ZNF532: variants seen among roughly 807,000 people sequenced by gnomAD.
ZNF532 encodes zinc finger protein 532.
Under a neutral mutation model 89.3 loss-of-function variants are expected in ZNF532, and 22 were observed. The observed-to-expected ratio is 0.25, with a 90% CI of 0.18 to 0.35. ZNF532 has a LOEUF of 0.35. Among genes scored for constraint, ZNF532 ranks in the 10% least tolerant of loss-of-function variants. ZNF532 has a pLI of 1.00. For synonymous variants in ZNF532, 606 were observed against 649.6 expected (o/e 0.93, Z 1.02); for missense variants, 1,132 against 1,643.4 (o/e 0.69, Z 5.38).
chr18:58,977,478 C>T (rs2147609060), intron 7 of ZNF532: 1 of 152,318 alleles, frequency 6.6e-6, no homozygotes, highest in East Asian at 1.9e-4. Context: ...GCCGGCCAGA[C>T]TCAGCCACTC....
chr18:58,973,451 A>G (rs1469221785), intron 7 of ZNF532, among the ~76,000 whole-genome samples: 1 of 152,260 alleles, frequency 6.6e-6, no homozygotes, highest in Admixed American at 6.5e-5. Flanking sequence ...ATGCAAATTA[A>G]AACCACAACA....
At chr18:58,948,266 C>A in intron 6 of ZNF532, 37 bp downstream of exon 6, 2 of 1,557,442 alleles carry the variant, frequency 1.3e-6, no homozygotes, top group Non-Finnish European at 1.7e-6. Flanking sequence ...AAATGAATTG[C>A]AGATCCATTC....
At chr18:58,922,053 G>T (rs1365278977) in intron 3 of ZNF532, among the ~76,000 whole-genome samples, 1 of 151,936 alleles carries the variant, frequency 6.6e-6, no homozygotes, top group Non-Finnish European at 1.5e-5. Context: ...GTTGCAGTGA[G>T]CTGAGATCAT....
At chr18:58,951,345 A>C in intron 6 of ZNF532, among the ~76,000 whole-genome samples, 1 of 152,198 alleles carries the variant, frequency 6.6e-6, no homozygotes, top group South Asian at 2.1e-4. Flanking sequence ...ATCTTACAGA[A>C]GAATATTTTA....
At chr18:58,914,628 C>T (rs1417998406) in intron 2 of ZNF532, among the ~76,000 whole-genome samples, 12 of 151,762 alleles carry the variant, frequency 7.9e-5, no homozygotes, top group African/African-American at 2.2e-4. Context: ...TGCAGTGAGC[C>T]GAGATCACAC....
chr18:58,932,834 A>G (rs2062069275), intron 3 of ZNF532, among the ~76,000 whole-genome samples: 2 of 152,162 alleles, frequency 1.3e-5, no homozygotes, highest in Non-Finnish European at 2.9e-5. Flanking sequence ...TATAATATGT[A>G]TATACACACA....
chr18:58,930,033 A>C (rs1304588606), intron 3 of ZNF532, among the ~76,000 whole-genome samples: 1 of 152,176 alleles, frequency 6.6e-6, no homozygotes, highest in Non-Finnish European at 1.5e-5. Flanking sequence ...CCAATGTTTC[A>C]TGTTGGTGTA....
At chr18:58,948,354 C>T (rs531812781) in intron 6 of ZNF532, 125 bp downstream of exon 6, 10 of 964,874 alleles carry the variant, frequency 1.0e-5, no homozygotes, top group South Asian at 7.2e-5. Context: ...GGATGCTGGT[C>T]GTTGTCAGTG....
intron 2 of ZNF532, among the ~76,000 whole-genome samples, chr18:58,917,421 A>C (rs1288450693): frequency 6.6e-6 from 1 of 152,232 alleles, no homozygotes; most frequent in African/African-American, 2.4e-5. Context: ...GTAGAGTCTC[A>C]GGATGGAAGG....
rs142294527 is a variant in ZNF532 at position 58,962,270 on chromosome 18, C to T, written c.3150+8471C>T. ...CTAGGGCCAATGTGACCTTTCTCCT[C>T]GGACACTGGAATGAAAGGAAACTAC... On this transcript the variant is annotated intron_variant, in intron 7 of 9. Coordinates refer to ENST00000591808, the MANE Select transcript of ZNF532 (RefSeq NM_001375912.1). Among the ~76,000 whole-genome samples, 20 of 152,022 alleles carry T rather than the reference C, an allele frequency of 1.3e-4. No individual in the cohort carries two copies. The East Asian group carries it at 2.3e-3, about 18-fold the overall frequency.
At position 58,888,775 on chromosome 18, in the gene ZNF532, A is replaced by ATATATATAATT. The variant is rs74209908; in HGVS notation, c.-18+23204_-18+23205insATTTATATATA. 5.4e-5 allele frequency among the ~76,000 whole-genome samples: 3 copies of ATATATATAATT among 55,720 alleles called. 1 individual carries two copies. The highest frequency in any genetic ancestry group is 8.3e-5 in the Non-Finnish European group (3 of 36,020). 36.6% of individuals were successfully genotyped at this position (55,720 alleles called of 152,430 possible). A position where few individuals can be genotyped will look rare whatever the true frequency, so the allele number is the denominator to read the frequency against. The stretch of plus-strand genomic sequence containing the variant: ...TATATAAAATTAATATATATAATTT[A>ATATATATAATT]TATATATATAAAATATATATAATTT... On this transcript the variant is annotated intron_variant, in intron 2 of 9. Coordinates refer to ENST00000591808, the MANE Select transcript of ZNF532 (RefSeq NM_001375912.1).
At chr18:58,945,494 T>C (rs535873543) in intron 5 of ZNF532, among the ~76,000 whole-genome samples, 19 of 152,286 alleles carry the variant, frequency 1.2e-4, no homozygotes, top group Admixed American at 3.9e-4. Flanking sequence ...CTGCTCAGCC[T>C]CCTCAGAATG....
chr18:58,970,229 AT>A (rs1390230512), intron 7 of ZNF532, among the ~76,000 whole-genome samples: 1 of 152,156 alleles, frequency 6.6e-6, no homozygotes, highest in African/African-American at 2.4e-5. Flanking sequence ...GGGGAAAAAA[AT>A]CTTTCACAGT....
At chr18:58,951,646 G>GTTTTTTTTTTTTGTT (rs1568405970) in intron 6 of ZNF532, among the ~76,000 whole-genome samples, 1 of 72,592 alleles carries the variant, frequency 1.4e-5, no homozygotes. Flanking sequence ...TCGCCCTGTT[G>GTTTTTTTTTTTTGTT]TTTTTTTTTT....
intron 7 of ZNF532, among the ~76,000 whole-genome samples, chr18:58,961,628 G>A (rs2147207083): frequency 6.6e-6 from 1 of 152,348 alleles, no homozygotes; most frequent in Middle Eastern, 3.4e-3. Flanking sequence ...CCTGCAGTAA[G>A]GTGGCCACAG....
chr18:58,918,736 C>G lies in ZNF532; in HGVS notation c.449C>G (p.Pro150Arg), dbSNP rs1555723609. The G allele has an allele frequency of 1.2e-6, 2 of 1,614,188 alleles. No homozygotes were observed. The highest frequency in any genetic ancestry group is 2.2e-5 in the East Asian group (1 of 44,884). Residue 150 changes from proline (P) to arginine (R), a missense_variant, in exon 3 of 10, where the codon CCT (proline) becomes CGT (arginine). Coordinates refer to ENST00000591808, the MANE Select transcript of ZNF532 (RefSeq NM_001375912.1). ...GAGAAGATTGAGGTGGATGACCCCC[C>G]TGACAAGGAGGACATGCGATCAAGC... ...DDEKIEVDDP[P>R]DKEDMRSSFR...
chr18:58,941,972 CTCCCTCCT>C (rs200257020), intron 5 of ZNF532, among the ~76,000 whole-genome samples: 184 of 129,610 alleles, frequency 1.4e-3, no homozygotes, highest in African/African-American at 3.8e-3. Flanking sequence ...CTCTCCCTCC[CTCCCTCCT>C]TCCCTCCTTC....
intron 7 of ZNF532, among the ~76,000 whole-genome samples, chr18:58,957,869 C>T (rs1387605343): frequency 6.6e-6 from 1 of 151,956 alleles, no homozygotes; most frequent in South Asian, 2.1e-4. Flanking sequence ...TTCGAGACCC[C>T]CCCTGGCCAA....
rs779066426 is a variant in ZNF532 at position 58,981,473 on chromosome 18, C to T, written c.3267C>T (p.His1089=). 1.9e-6 allele frequency: 3 copies of T among 1,612,140 alleles called. No individual in the cohort carries two copies. In the African/African-American group the frequency reaches 4.0e-5, roughly 22 times the overall value. ...KGIRKVYACS[H]CPDSRRTFTK... is the part of the protein sequence containing the mutation. The stretch of plus-strand genomic sequence containing the variant: ...CTCCTTGCCTTTCACCCCACAGGCA[C>T]TGCCCAGACTCCAGACGTACCTTTA... Residue 1089 remains histidine (H), a synonymous_variant, in exon 9 of 10, where the codon CAC becomes CAT. Transcript: ENST00000591808.
Sources: gnomAD v4.1 joint callset for allele counts (sites outside exome capture counted in the v4.1 genomes callset) on GRCh38, gnomAD v4.1.1 for gene constraint, MANE v1.5 for transcripts, NCBI Gene and HGNC (gene_info 2026-07-23, HGNC 2026-07-21) for gene names.